The following CALN1 variants were observed in gnomAD, a reference collection of about 807,000 sequenced individuals.
The protein encoded by CALN1 is calcium-binding protein 8.
Under a neutral mutation model 30.6 loss-of-function variants are expected in CALN1, and 17 were observed. That is an observed-to-expected ratio of 0.56 (90% CI 0.38 to 0.83). CALN1 has a LOEUF of 0.83. Among genes scored for constraint, CALN1 ranks in the 40% least tolerant of loss-of-function variants. CALN1 has a pLI of 0.00. For missense variants in CALN1, 291 were observed against 354.9 expected (o/e 0.82, Z 1.45); for synonymous variants, 156 against 131.4 (o/e 1.19, Z -1.28).
intron 5 of CALN1, among the ~76,000 whole-genome samples, chr7:71,938,004 G>C (rs1023271147): frequency 1.3e-5 from 2 of 152,194 alleles, no homozygotes; most frequent in Admixed American, 6.5e-5. Flanking sequence ...CCTTGGGAGG[G>C]TTAGGGAAAG....
At chr7:72,394,972 G>T (rs771239087) in intron 2 of CALN1, among the ~76,000 whole-genome samples, 1 of 152,024 alleles carries the variant, frequency 6.6e-6, no homozygotes, top group Non-Finnish European at 1.5e-5. Flanking sequence ...TTCTATTCTT[G>T]TCTTGTAAGT....
Position 72,338,525 on chromosome 7 carries a change from G to GTGTGTGTGTGTCTGTCTGTC in CALN1, c.120-59716_120-59715insGACAGACAGACACACACACA. 1.5e-3 allele frequency among the ~76,000 whole-genome samples: 186 copies of GTGTGTGTGTGTCTGTCTGTC among 122,354 alleles called. 3 individuals carry two copies. Among genetic ancestry groups the GTGTGTGTGTGTCTGTCTGTC allele is most frequent in the African/African-American group, 2.7e-3 (86 of 32,080 alleles). 80.3% of individuals were successfully genotyped at this position (122,354 alleles called of 152,430 possible). A position where few individuals can be genotyped will look rare whatever the true frequency, so the allele number is the denominator to read the frequency against. ...TGTGTGTGTGTGTGTGTGTGTGTGT[G>GTGTGTGTGTGTCTGTCTGTC]TGTCTCACCTGGGTGTGGTTTCAGA... On this transcript the variant is annotated intron_variant, in intron 2 of 6. Coordinates refer to ENST00000395275, the MANE Select transcript of CALN1 (RefSeq NM_031468.4).
chr7:72,285,623 T>C (rs1465730006), intron 2 of CALN1, among the ~76,000 whole-genome samples: 1 of 152,186 alleles, frequency 6.6e-6, no homozygotes, highest in Non-Finnish European at 1.5e-5. Flanking sequence ...TCACAAATAG[T>C]TTGAGAAGCA....
In CALN1 at chr7:71,872,860, C is replaced by T. The variant is rs539958599; in HGVS notation, c.502-62368G>A. On this transcript the variant is annotated intron_variant, in intron 5 of 6. Transcript: ENST00000395275. ...AACTCTTGAGCTCAAGCCATCCTCCCGCCTTAGCCTTCCAAAGTGCTGAGA... is the reference window on the plus strand; with the variant it reads ...AACTCTTGAGCTCAAGCCATCCTCCTGCCTTAGCCTTCCAAAGTGCTGAGA... 7.2e-5 allele frequency among the ~76,000 whole-genome samples: 11 copies of T among 151,864 alleles called. No homozygotes were observed. In the East Asian group the frequency reaches 7.8e-4, roughly 11 times the overall value.
intron 2 of CALN1, among the ~76,000 whole-genome samples, chr7:72,385,416 G>C (rs1040823514): frequency 2.6e-5 from 4 of 152,056 alleles, no homozygotes; most frequent in Non-Finnish European, 5.9e-5. Context: ...TTTAATAAGT[G>C]AACGGATAAC....
At chr7:72,431,086 C>T (rs1467036460) in intron 1 of CALN1, among the ~76,000 whole-genome samples, 1 of 151,418 alleles carries the variant, frequency 6.6e-6, no homozygotes, top group Non-Finnish European at 1.5e-5. Flanking sequence ...TGTGCCACCA[C>T]ACCCGGCTAA....
At chr7:71,943,038 T>G (rs1031101517) in intron 5 of CALN1, among the ~76,000 whole-genome samples, 2 of 152,184 alleles carry the variant, frequency 1.3e-5, no homozygotes, top group Non-Finnish European at 2.9e-5. Flanking sequence ...AATGTACTTC[T>G]TACATAAATT....
chr7:72,441,613 A>T (rs1311417780), intron 1 of CALN1, among the ~76,000 whole-genome samples: 2 of 151,656 alleles, frequency 1.3e-5, no homozygotes, highest in Non-Finnish European at 2.9e-5. Context: ...AAAAAAAAAA[A>T]AAAAAAAAGT....
chr7:72,248,578 G>A lies in CALN1; in HGVS notation c.244+30108C>T, dbSNP rs1026998050. Among the ~76,000 whole-genome samples the A allele has an allele frequency of 5.5e-4, 84 of 151,356 alleles. 1 individual carries two copies. The highest frequency in any genetic ancestry group is 1.5e-5 in the Non-Finnish European group (1 of 67,922). ...ATGGCTTTCTGACTCTGACCCTCCA[G>A]CCTCCCTCTTATAAGGACACTTATC... On this transcript the variant is annotated intron_variant, in intron 3 of 6. Transcript: ENST00000395275.
chr7:72,338,437 G>C (rs1455778857), intron 2 of CALN1, among the ~76,000 whole-genome samples: 1 of 150,296 alleles, frequency 6.7e-6, no homozygotes. Context: ...CAACTGCCAG[G>C]GAAGTTTGGG....
chr7:71,965,976 C>T (rs1408499941), intron 5 of CALN1, among the ~76,000 whole-genome samples: 1 of 152,192 alleles, frequency 6.6e-6, no homozygotes, highest in Non-Finnish European at 1.5e-5. Context: ...CAACACCACA[C>T]TTCTGCCCTC....
At chr7:71,894,448 G>A (rs550573380) in intron 5 of CALN1, among the ~76,000 whole-genome samples, 17 of 151,706 alleles carry the variant, frequency 1.1e-4, no homozygotes, top group Non-Finnish European at 2.1e-4. Flanking sequence ...AATTTTTTTT[G>A]TAGAGACGGA....
chr7:72,148,305 C>T (rs1333537758), intron 3 of CALN1, among the ~76,000 whole-genome samples: 1 of 150,040 alleles, frequency 6.7e-6, no homozygotes, highest in African/African-American at 2.4e-5. Flanking sequence ...TGCAGTGGCT[C>T]ACTTGTAATC....
intron 5 of CALN1, among the ~76,000 whole-genome samples, chr7:71,862,788 T>A (rs1448772282): frequency 1.8e-4 from 27 of 152,232 alleles, no homozygotes; most frequent in Non-Finnish European, 4.4e-5. Context: ...GCAATATGGT[T>A]ACTTACTATT....
At chr7:72,224,315 C>T (rs181542491) in intron 3 of CALN1, among the ~76,000 whole-genome samples, 247 of 152,110 alleles carry the variant, frequency 1.6e-3, no homozygotes, top group African/African-American at 5.7e-3. Context: ...GACAGGGCAA[C>T]GCCAGCACAA....
chr7:72,347,910 C>A (rs1802728915), intron 2 of CALN1, among the ~76,000 whole-genome samples: 1 of 152,110 alleles, frequency 6.6e-6, no homozygotes, highest in Non-Finnish European at 1.5e-5. Context: ...GGGTGGATCA[C>A]TTGAGAGGTC....
intron 2 of CALN1, among the ~76,000 whole-genome samples, chr7:72,334,201 T>C (rs1264562236): frequency 1.3e-5 from 2 of 152,186 alleles, no homozygotes; most frequent in Non-Finnish European, 2.9e-5. Flanking sequence ...CCGAAGGCTT[T>C]AAACGTCCAA....
intron 2 of CALN1, among the ~76,000 whole-genome samples, chr7:72,280,113 G>A (rs969806381): frequency 1.3e-5 from 2 of 152,320 alleles, no homozygotes; most frequent in Admixed American, 6.5e-5. Flanking sequence ...CCACCCGGAT[G>A]TCAAACCCTC....
At chr7:72,237,411 C>T (rs985528069) in intron 3 of CALN1, among the ~76,000 whole-genome samples, 4 of 152,114 alleles carry the variant, frequency 2.6e-5, no homozygotes, top group South Asian at 2.1e-4. Flanking sequence ...TTGGGAGGTC[C>T]TTATTCCAGA....
Sources: gnomAD v4.1 joint callset for allele counts (sites outside exome capture counted in the v4.1 genomes callset) on GRCh38, gnomAD v4.1.1 for gene constraint, MANE v1.5 for transcripts, NCBI Gene and HGNC (gene_info 2026-07-23, HGNC 2026-07-21) for gene names.